The following STOML1 variants were observed in gnomAD, a reference collection of about 807,000 sequenced individuals.
The protein encoded by STOML1 is stomatin-like protein 1.
A neutral mutation model predicts 35.7 loss-of-function variants in STOML1; 27 were observed. The observed-to-expected ratio is 0.76, with a 90% CI of 0.56 to 1.04. The LOEUF is 1.04. Ranked by LOEUF, STOML1 falls within the 50% of genes least tolerant of loss-of-function variation. The pLI is 0.00. For synonymous variants in STOML1, 219 were observed against 227.9 expected, an observed-to-expected ratio of 0.96 and a Z score of 0.35; for missense variants, 451 against 527.1, an observed-to-expected ratio of 0.86 and a Z score of 1.41.
chr15:73,994,052 T>G (rs1026388236), upstream of STOML1, among the ~76,000 whole-genome samples: 1 of 152,186 alleles, frequency 6.6e-6, no homozygotes, highest in Non-Finnish European at 1.5e-5. Flanking sequence ...TCAGAGTGAC[T>G]GTCCCATCAT....
chr15:73,989,409 G>A, intron 2 of STOML1, 152 bp from the exon 3 acceptor site: 3 of 945,616 alleles, frequency 3.2e-6, no homozygotes. Flanking sequence ...CCAAGGCTCA[G>A]GGAAGCTAAG....
At chr15:73,990,578 C>T (rs2069243286) in intron 1 of STOML1, 121 bp from the exon 2 acceptor site, 2 of 979,238 alleles carry the variant, frequency 2.0e-6, no homozygotes, top group African/African-American at 1.6e-5. Context: ...TCTCAGGGCT[C>T]TCAATCTGGC....
Position 73,992,127 on chromosome 15 carries a change from A to G in STOML1, c.97T>C (p.Leu33=). Residue 33 remains leucine (L), a synonymous_variant, in exon 1 of 7, where the codon TTG becomes CTG. Transcript: ENST00000541638. The part of the protein sequence containing the change: ...FGFLGSQKGC[L]SPERGGVGTG... The stretch of plus-strand genomic sequence containing the variant: ...CCCACGCCGCCCCGCTCCGGGGACA[A>G]GCAGCCCTTCTGCGAGCCCAGAAAG... The G allele has an allele frequency of 6.2e-7, 1 of 1,606,348 alleles. No homozygotes were observed. The highest frequency in any genetic ancestry group is 8.5e-7 in the Non-Finnish European group (1 of 1,177,260).
Position 73,983,900 on chromosome 15 carries a change from G to A in STOML1, c.*37C>T. The A allele has an allele frequency of 6.3e-7, 1 of 1,587,108 alleles. No homozygotes were observed. The highest frequency in any genetic ancestry group is 8.6e-7 in the Non-Finnish European group (1 of 1,163,728). The stretch of plus-strand genomic sequence containing the variant: ...AAGAGGCCCCTCAGGCTTGGTGCCA[G>A]GCTTGGGACTGGGCTCTGGAAAGTC... On this transcript the variant is annotated 3_prime_UTR_variant, in exon 7 of 7. Coordinates refer to ENST00000541638, the MANE Select transcript of STOML1 (RefSeq NM_004809.5).
intron 4 of STOML1, chr15:73,987,822 T>A (rs1325940584): frequency 6.6e-6 from 1 of 152,236 alleles, no homozygotes; most frequent in Non-Finnish European, 1.5e-5. Flanking sequence ...ACTGTTAGGA[T>A]CTCAAATAGT....
rs944565709 is a variant in STOML1 at position 73,980,367 on chromosome 15, A to G, written c.*3570T>C. On this transcript the variant is annotated 3_prime_UTR_variant, in exon 7 of 7. Transcript: ENST00000541638. Reference sequence around the variant, plus strand: ...AAAAGTATTTAAAATAGCAAAACACAAGAAATAATCAAAATGTCTATCGGT... The same window carrying G: ...AAAAGTATTTAAAATAGCAAAACACGAGAAATAATCAAAATGTCTATCGGT... 5 of 152,268 alleles carry G rather than the reference A, an allele frequency of 3.3e-5. No individual in the cohort carries two copies. Among genetic ancestry groups the G allele is most frequent in the East Asian group, 1.9e-4 (1 of 5,204 alleles). 9.4% of individuals were successfully genotyped at this position (152,268 alleles called of 1,614,324 possible).
In STOML1 at chr15:73,982,794, A is replaced by G. The variant is rs2068976127; in HGVS notation, c.*1143T>C. 1 of 152,304 alleles carries G rather than the reference A, an allele frequency of 6.6e-6. No homozygotes were observed. The highest frequency in any genetic ancestry group is 1.5e-5 in the Non-Finnish European group (1 of 68,138). 9.4% of individuals were successfully genotyped at this position (152,304 alleles called of 1,614,324 possible). The stretch of plus-strand genomic sequence containing the variant: ...GGTTTGGGCGAGAGTACTGGAGCAG[A>G]AAGCAGGGCTGGGCTGGGCCTGGGG... On this transcript the variant is annotated 3_prime_UTR_variant, in exon 7 of 7. Transcript: ENST00000541638.
chr15:73,994,162 A>G (rs28575085), upstream of STOML1, among the ~76,000 whole-genome samples: 387 of 152,328 alleles, frequency 2.5e-3, no homozygotes, highest in African/African-American at 8.9e-3. Context: ...TTGTCCTAGC[A>G]CACTCCTTGG....
rs765383470 is a variant in STOML1, at chr15:73,992,153, C to T, written c.71G>A (p.Gly24Asp). Reference protein sequence around the residue: ...DFDRFQQSSFGFLGSQKGCLS... With the variant: ...DFDRFQQSSFDFLGSQKGCLS... ...GCAGCCCTTCTGCGAGCCCAGAAAG[C>T]CGAAGCTCGACTGCTGGAAGCGGTC... The change falls in exon 1 of 7, where the codon GGC (glycine) becomes GAC (aspartate). Residue 24 changes from glycine (G) to aspartate (D), a missense_variant. Transcript: ENST00000541638. The T allele has an allele frequency of 2.1e-5, 33 of 1,608,988 alleles. No individual in the cohort carries two copies. The highest frequency in any genetic ancestry group is 1.7e-6 in the Non-Finnish European group (2 of 1,178,234).
In STOML1 at chr15:73,983,879, G is replaced by A; in HGVS notation, c.*58C>T. The stretch of plus-strand genomic sequence containing the variant: ...CAGATGAACACCTCCTCCTCCAAGA[G>A]GCCCCTCAGGCTTGGTGCCAGGCTT... On this transcript the variant is annotated 3_prime_UTR_variant, in exon 7 of 7. Coordinates refer to ENST00000541638, the MANE Select transcript of STOML1 (RefSeq NM_004809.5). 3.9e-6 allele frequency: 6 copies of A among 1,539,562 alleles called. No homozygotes were observed. The highest frequency in any genetic ancestry group is 1.9e-4 in the Middle Eastern group (1 of 5,302).
Position 73,992,253 on chromosome 15 carries a change from T to G in STOML1, c.-30A>C. On this transcript the variant is annotated 5_prime_UTR_variant, in exon 1 of 7. Transcript: ENST00000541638. ...TTTGACAGGAGACACGCCCCGCGCC[T>G]CCGCGCGGCGCCCTCCCTGGCCAGT... is the stretch of plus-strand genomic sequence containing the variant. 6.3e-7 allele frequency: 1 copy of G among 1,576,942 alleles called. No individual in the cohort carries two copies. The highest frequency in any genetic ancestry group is 1.1e-5 in the South Asian group (1 of 88,074).
chr15:73,979,413 A>T lies in STOML1; in HGVS notation c.*4524T>A, dbSNP rs2068936148. On this transcript the variant is annotated 3_prime_UTR_variant, in exon 7 of 7. Transcript: ENST00000541638. ...GTTGCCCAGGCTAAAGTGCAGTGGC[A>T]TGATCTCAACTCACTGCAACTTCCA... The T allele has an allele frequency of 6.6e-6, 1 of 152,178 alleles. No homozygotes were observed. Among genetic ancestry groups the T allele is most frequent in the African/African-American group, 2.4e-5 (1 of 41,446 alleles). 9.4% of individuals were successfully genotyped at this position (152,178 alleles called of 1,614,324 possible). A position where few individuals can be genotyped will look rare whatever the true frequency, so the allele number is the denominator to read the frequency against.
intron 1 of STOML1, among the ~76,000 whole-genome samples, chr15:73,991,203 G>T (rs191726167): frequency 6.6e-6 from 1 of 152,170 alleles, no homozygotes; most frequent in Non-Finnish European, 1.5e-5. Flanking sequence ...TCGGGGTCAG[G>T]GGCAGGGCTA....
In STOML1 at chr15:73,989,145, T is replaced by C. The variant is rs745400887; in HGVS notation, c.353A>G (p.Asp118Gly). The stretch of plus-strand genomic sequence containing the variant: ...GACGTTGAAGGCTCGTGTCCTCAGA[T>C]CCACCCTCTGAAAGGAGTCAATGAA... Reference protein sequence around the residue: ...LPFIDSFQRVDLRTRAFNVPP... With the variant: ...LPFIDSFQRVGLRTRAFNVPP... Residue 118 changes from aspartate (D) to glycine (G), a missense_variant, in exon 3 of 7, where the codon GAT (aspartate) becomes GGT (glycine). Transcript: ENST00000541638. The C allele has an allele frequency of 6.8e-6, 11 of 1,611,534 alleles. No homozygotes were observed. Among genetic ancestry groups the C allele is most frequent in the Non-Finnish European group, 9.3e-6 (11 of 1,178,640 alleles).
At chr15:73,992,693 C>T (rs956717297), upstream of STOML1, among the ~76,000 whole-genome samples, 1 of 152,172 alleles carries the variant, frequency 6.6e-6, no homozygotes, top group Non-Finnish European at 1.5e-5. Flanking sequence ...CCTGTGGTCC[C>T]AGCCACTTGG....
upstream of STOML1, chr15:73,994,551 C>G (rs1333534772): frequency 8.9e-6 from 5 of 561,364 alleles, no homozygotes; most frequent in Admixed American, 3.1e-5. Context: ...CCCGCTTTAC[C>G]GTAAGTCAGC....
chr15:73,989,067 GC>G, intron 3 of STOML1, 40 bp downstream of exon 3: 1 of 1,543,644 alleles, frequency 6.5e-7, no homozygotes, highest in Non-Finnish European at 8.7e-7. Flanking sequence ...TTCTGGACAG[GC>G]CCCCAGTTCC....
Position 73,984,777 on chromosome 15 carries a change from C to T in STOML1, c.885G>A (p.Leu295=). The T allele has an allele frequency of 6.2e-7, 1 of 1,614,112 alleles. No individual in the cohort carries two copies. The highest frequency in any genetic ancestry group is 1.1e-5 in the South Asian group (1 of 91,084). Residue 295 remains leucine, a synonymous_variant, in exon 6 of 7, where the codon CTG becomes CTA. Coordinates refer to ENST00000541638, the MANE Select transcript of STOML1 (RefSeq NM_004809.5). The part of the protein sequence containing the change: ...SPKQPLAEGL[L]TALQPFLSEA... ...CAGACAGGAAGGGCTGTAGAGCAGTCAGTAGCCCCTCCGCCAGAGGCTGCT... is the reference window on the plus strand; with the variant it reads ...CAGACAGGAAGGGCTGTAGAGCAGTTAGTAGCCCCTCCGCCAGAGGCTGCT...
In STOML1 at chr15:73,983,693, C is replaced by T. The variant is rs1303933263; in HGVS notation, c.*244G>A. ...CTGGAATCACACCGTGCACCCAGCTCAGCGCTGGGCACTCAGCTGGGGACC... is the reference window on the plus strand; with the variant it reads ...CTGGAATCACACCGTGCACCCAGCTTAGCGCTGGGCACTCAGCTGGGGACC... On this transcript the variant is annotated 3_prime_UTR_variant, in exon 7 of 7. Transcript: ENST00000541638. 1.1e-5 allele frequency: 5 copies of T among 456,192 alleles called. No individual in the cohort carries two copies. The allele number at this position is 456,192 out of a possible 1,614,324, so 28.3% of individuals were successfully genotyped here.
Sources: gnomAD v4.1 joint callset for allele counts (sites outside exome capture counted in the v4.1 genomes callset) on GRCh38, gnomAD v4.1.1 for gene constraint, MANE v1.5 for transcripts, NCBI Gene and HGNC (gene_info 2026-07-23, HGNC 2026-07-21) for gene names.